The following CSMD2 variants were observed in gnomAD, a reference collection of about 807,000 sequenced individuals.
CSMD2 encodes CUB and sushi domain-containing protein 2.
Under a neutral mutation model 398.5 loss-of-function variants are expected in CSMD2, and 130 were observed. The ratio of observed to expected loss-of-function variants is 0.33; its 90% CI spans 0.28 to 0.38. The LOEUF is 0.38. Ranked by LOEUF, CSMD2 falls within the 10% of genes least tolerant of loss-of-function variation. CSMD2 has a pLI of 1.00. For synonymous variants in CSMD2, 1,828 were observed against 1,908.5 expected, an observed-to-expected ratio of 0.96 and a Z score of 1.10; for missense variants, 3,829 against 4,764.9, an observed-to-expected ratio of 0.80 and a Z score of 5.78.
chr1:33,586,478 A>G, intron 46 of CSMD2, 26 bp downstream of exon 46: 1 of 1,485,150 alleles, frequency 6.7e-7, no homozygotes, highest in Non-Finnish European at 9.4e-7. Flanking sequence ...TCTAGGCCCC[A>G]TACAGATGCG....
At chr1:33,646,915 CA>C in intron 28 of CSMD2, 80 bp from the exon 29 acceptor site, 3 of 1,397,348 alleles carry the variant, frequency 2.1e-6, no homozygotes, top group Non-Finnish European at 2.9e-6. Context: ...TCAACCAAAG[CA>C]TAGGGCCTCC....
intron 11 of CSMD2, among the ~76,000 whole-genome samples, chr1:33,790,302 C>T (rs914280479): frequency 2.0e-5 from 3 of 152,156 alleles, no homozygotes; most frequent in Non-Finnish European, 4.4e-5. Flanking sequence ...ATGAGATGAA[C>T]ACTGAAATCG....
chr1:33,829,538 C>T (rs1247654154), intron 6 of CSMD2, among the ~76,000 whole-genome samples: 7 of 152,144 alleles, frequency 4.6e-5, no homozygotes, highest in South Asian at 2.1e-4. Flanking sequence ...CCAAGGTGGC[C>T]GAATAGGAAC....
intron 3 of CSMD2, among the ~76,000 whole-genome samples, chr1:34,027,555 T>C (rs1649812511): frequency 6.6e-6 from 1 of 152,242 alleles, no homozygotes; most frequent in African/African-American, 2.4e-5. Context: ...AGGGCTTAAA[T>C]TGTATGTACA....
At chr1:33,544,461 C>A (rs1055112222) in intron 57 of CSMD2, among the ~76,000 whole-genome samples, 2 of 152,072 alleles carry the variant, frequency 1.3e-5, no homozygotes, top group Non-Finnish European at 2.9e-5. Context: ...CGGGAATTAG[C>A]CATTTCTCCA....
At chr1:33,790,636 T>A (rs982610673) in intron 11 of CSMD2, among the ~76,000 whole-genome samples, 2 of 151,232 alleles carry the variant, frequency 1.3e-5, no homozygotes, top group African/African-American at 4.9e-5. Flanking sequence ...TTACAACAAA[T>A]TATCTATCTA....
chr1:33,656,156 GAAGGAAGGAAGATAGA>G (rs1643939426), intron 27 of CSMD2, among the ~76,000 whole-genome samples: 1 of 152,132 alleles, frequency 6.6e-6, no homozygotes, highest in African/African-American at 2.4e-5. Context: ...TGAAAAGAAG[GAAGGAAGGAAGATAGA>G]AAGGAAGGAA....
chr1:33,577,615 G>A, intron 48 of CSMD2, 131 bp from the exon 49 acceptor site: 1 of 731,388 alleles, frequency 1.4e-6, no homozygotes, highest in Middle Eastern at 2.9e-4. Flanking sequence ...CTCTGCTGTT[G>A]AGGAAAGTCT....
At chr1:33,979,349 G>A (rs1646082164) in intron 3 of CSMD2, among the ~76,000 whole-genome samples, 1 of 150,892 alleles carries the variant, frequency 6.6e-6, no homozygotes, top group South Asian at 2.1e-4. Flanking sequence ...TTCCTAGCAG[G>A]TTTCCTATGG....
At chr1:33,568,946 T>A (rs149459147) in intron 52 of CSMD2, among the ~76,000 whole-genome samples, 452 of 152,330 alleles carry the variant, frequency 3.0e-3, no homozygotes, top group Non-Finnish European at 5.2e-3. Context: ...GGTTGTTTTA[T>A]GTTTCTGTAA....
chr1:34,123,996 C>G (rs1662484327), intron 1 of CSMD2, among the ~76,000 whole-genome samples: 1 of 152,148 alleles, frequency 6.6e-6, no homozygotes, highest in African/African-American at 2.4e-5. Context: ...TGACAATAAC[C>G]CAGGCAGGCT....
At chr1:33,742,809 A>G (rs1647124989) in intron 14 of CSMD2, among the ~76,000 whole-genome samples, 1 of 152,058 alleles carries the variant, frequency 6.6e-6, no homozygotes, top group African/African-American at 2.4e-5. Context: ...TGACTATGGG[A>G]ATGGGAACTG....
chr1:34,115,552 G>A (rs1021181896), intron 1 of CSMD2, among the ~76,000 whole-genome samples: 4 of 152,104 alleles, frequency 2.6e-5, no homozygotes, highest in Non-Finnish European at 5.9e-5. Flanking sequence ...TAAACAAGGT[G>A]AGGGAGTTCA....
chr1:34,023,239 GATA>G (rs1368020042), intron 3 of CSMD2, among the ~76,000 whole-genome samples: 1 of 152,180 alleles, frequency 6.6e-6, no homozygotes, highest in African/African-American at 2.4e-5. Flanking sequence ...TCTTTTGTTG[GATA>G]GTGAATGACC....
At chr1:33,528,030 G>A (rs1490758711) in intron 64 of CSMD2, among the ~76,000 whole-genome samples, 1 of 151,782 alleles carries the variant, frequency 6.6e-6, no homozygotes, top group African/African-American at 2.4e-5. Flanking sequence ...ACCCATCAAC[G>A]GTGAACTCTG....
rs1646694891 is a variant in CSMD2 at position 33,995,410 on chromosome 1, T to C, written c.517+37184A>G. Among the ~76,000 whole-genome samples the C allele has an allele frequency of 2.0e-5, 3 of 152,232 alleles. No homozygotes were observed. In the South Asian group the frequency reaches 6.2e-4, roughly 31 times the overall value. On this transcript the variant is annotated intron_variant, in intron 3 of 70. Coordinates refer to ENST00000373381, the MANE Select transcript of CSMD2 (RefSeq NM_001281956.2). ...AAGTAGATGATTCAACAGGGCCTAG[T>C]GGCTTCAGGGCTAAGCTCTGGGACA...
intron 1 of CSMD2, among the ~76,000 whole-genome samples, chr1:34,154,943 G>T (rs1397816161): frequency 6.6e-6 from 1 of 152,074 alleles, no homozygotes; most frequent in Non-Finnish European, 1.5e-5. Flanking sequence ...GATCAGGCTG[G>T]TCTCAAACTC....
chr1:33,573,260 A>C (rs1000494715), intron 49 of CSMD2, among the ~76,000 whole-genome samples: 9 of 152,224 alleles, frequency 5.9e-5, no homozygotes, highest in African/African-American at 2.2e-4. Context: ...CGTAATCCAC[A>C]TCTCATAGCT....
intron 60 of CSMD2, among the ~76,000 whole-genome samples, chr1:33,540,117 A>G (rs1458121013): frequency 6.6e-6 from 1 of 152,136 alleles, no homozygotes; most frequent in African/African-American, 2.4e-5. Context: ...CCAGGTGTAT[A>G]AAAAATAAAG....
Sources: gnomAD v4.1 joint callset for allele counts (sites outside exome capture counted in the v4.1 genomes callset) on GRCh38, gnomAD v4.1.1 for gene constraint, MANE v1.5 for transcripts, NCBI Gene and HGNC (gene_info 2026-07-23, HGNC 2026-07-21) for gene names.